LRRIQ1: variants seen among roughly 807,000 people sequenced by gnomAD.
The protein encoded by LRRIQ1 is leucine-rich repeat- and IQ domain-containing protein 1.
A neutral mutation model predicts 211.9 loss-of-function variants in LRRIQ1; 210 were observed. The ratio of observed to expected loss-of-function variants is 0.99; its 90% CI spans 0.89 to 1.11. The LOEUF is 1.11. Ranked by LOEUF, LRRIQ1 falls within the 50% of genes most tolerant of loss-of-function variation. LRRIQ1 has a pLI of 0.00. For missense variants in LRRIQ1, 2,136 were observed against 1,939.5 expected (o/e 1.10, Z -1.90); for synonymous variants, 699 against 650.1 (o/e 1.08, Z -1.14).
At chr12:85,131,162 G>A (rs975302170) in intron 18 of LRRIQ1, among the ~76,000 whole-genome samples, 3 of 149,272 alleles carry the variant, frequency 2.0e-5, no homozygotes, top group East Asian at 2.0e-4. Context: ...GCAGTGAGCC[G>A]AGATCACACC....
chr12:85,061,607 A>G (rs1881814969), intron 8 of LRRIQ1, among the ~76,000 whole-genome samples: 1 of 151,780 alleles, frequency 6.6e-6, no homozygotes, highest in Admixed American at 6.6e-5. Flanking sequence ...ACACTGAATA[A>G]TATAAATTAT....
At chr12:85,206,829 G>C (rs987411230) in intron 24 of LRRIQ1, among the ~76,000 whole-genome samples, 1 of 152,084 alleles carries the variant, frequency 6.6e-6, no homozygotes, top group African/African-American at 2.4e-5. Context: ...AGACAGAGGG[G>C]AACTCAGGTC....
In LRRIQ1 at chr12:85,072,977, T is replaced by C. The variant is rs1883254597; in HGVS notation, c.2766T>C (p.Thr922=). 1 of 1,612,998 alleles carries C rather than the reference T, an allele frequency of 6.2e-7. No homozygotes were observed. The highest frequency in any genetic ancestry group is 1.3e-5 in the African/African-American group (1 of 74,946). The part of the protein sequence containing the change: ...AGFCHHLGTS[T]SYLSLAQVWI... Reference sequence around the variant, plus strand: ...TCTGCCATCACTTGGGCACCTCCACTTCTTACTTATCCCTGGCACAAGTCT... The same window carrying C: ...TCTGCCATCACTTGGGCACCTCCACCTCTTACTTATCCCTGGCACAAGTCT... The change falls in exon 11 of 27, where the codon ACT becomes ACC. Residue 922 remains threonine, a synonymous_variant. Coordinates refer to ENST00000393217, the MANE Select transcript of LRRIQ1 (RefSeq NM_001079910.2).
At chr12:85,122,458 A>G (rs2136431387) in intron 16 of LRRIQ1, among the ~76,000 whole-genome samples, 1 of 152,262 alleles carries the variant, frequency 6.6e-6, no homozygotes, top group South Asian at 2.1e-4. Flanking sequence ...CGAATTCTGA[A>G]TGCATTATAA....
intron 11 of LRRIQ1, among the ~76,000 whole-genome samples, chr12:85,074,999 A>G (rs1372603981): frequency 5.3e-5 from 8 of 151,848 alleles, no homozygotes; most frequent in Admixed American, 2.0e-4. Context: ...GAATAAATCC[A>G]TATTTGAAAA....
chr12:85,102,881 G>A (rs1886455602), intron 13 of LRRIQ1, among the ~76,000 whole-genome samples: 1 of 142,766 alleles, frequency 7.0e-6, no homozygotes, highest in South Asian at 2.2e-4. Context: ...TTGAGCCAAA[G>A]CATATTTTGA....
In LRRIQ1 at chr12:85,056,952, C is replaced by T; in HGVS notation, c.2159C>T (p.Pro720Leu). The T allele has an allele frequency of 1.2e-6, 2 of 1,612,422 alleles. No individual in the cohort carries two copies. The highest frequency in any genetic ancestry group is 1.7e-6 in the Non-Finnish European group (2 of 1,179,262). The change falls in exon 8 of 27, where the codon CCT becomes CTT. Residue 720 changes from proline (P) to leucine (L), a missense_variant. Physicochemically the swap from Pro to Leu is moderately conservative, Grantham distance 98 (BLOSUM62 -3). Coordinates refer to ENST00000393217, the MANE Select transcript of LRRIQ1 (RefSeq NM_001079910.2). ...TCAGAAAAATGCCATGAAAATGCAC[C>T]TGAACCTGATAGCATGACCTGCTGT... ...NISEKCHENA[P>L]EPDSMTCCVS...
intron 11 of LRRIQ1, among the ~76,000 whole-genome samples, chr12:85,081,145 C>T (rs1316749415): frequency 1.3e-5 from 2 of 152,074 alleles, no homozygotes; most frequent in African/African-American, 4.8e-5. Context: ...TAGGTCTACT[C>T]TGATGAAGAG....
chr12:85,041,526 T>C (rs1365852885), intron 3 of LRRIQ1, among the ~76,000 whole-genome samples: 1 of 151,518 alleles, frequency 6.6e-6, no homozygotes, highest in Admixed American at 6.6e-5. Context: ...AGCCACATGG[T>C]TATCTAGGAA....
intron 11 of LRRIQ1, among the ~76,000 whole-genome samples, chr12:85,081,785 G>A (rs1884320852): frequency 7.0e-6 from 1 of 143,042 alleles, no homozygotes; most frequent in Non-Finnish European, 1.5e-5. Flanking sequence ...GTGCAGTGGT[G>A]GGGTCTCAGC....
chr12:85,092,036 C>T (rs949877430), intron 11 of LRRIQ1, among the ~76,000 whole-genome samples: 1 of 152,120 alleles, frequency 6.6e-6, no homozygotes, highest in African/African-American at 2.4e-5. Context: ...CTCATAGGAG[C>T]GTGAATCCTA....
At chr12:85,224,894 G>A (rs1398306119) in intron 24 of LRRIQ1, among the ~76,000 whole-genome samples, 1 of 151,454 alleles carries the variant, frequency 6.6e-6, no homozygotes, top group African/African-American at 2.4e-5. Context: ...TTTAAAAAGA[G>A]ATAATTAAAA....
chr12:85,218,235 C>T (rs796535244), intron 24 of LRRIQ1, among the ~76,000 whole-genome samples: 2 of 151,848 alleles, frequency 1.3e-5, no homozygotes, highest in African/African-American at 4.8e-5. Flanking sequence ...ACTTCCTGGA[C>T]TTACCCCCTA....
At chr12:85,150,810 T>A (rs1890193318) in intron 19 of LRRIQ1, among the ~76,000 whole-genome samples, 1 of 151,670 alleles carries the variant, frequency 6.6e-6, no homozygotes, top group African/African-American at 2.4e-5. Flanking sequence ...TTGAATTATT[T>A]ACAAATACTG....
At chr12:85,131,341 A>G (rs1201852137) in intron 18 of LRRIQ1, among the ~76,000 whole-genome samples, 1 of 152,000 alleles carries the variant, frequency 6.6e-6, no homozygotes, top group African/African-American at 2.4e-5. Flanking sequence ...GACAGCACCC[A>G]AGTCACCTCA....
chr12:85,046,038 AAAG>A lies in LRRIQ1; in HGVS notation c.361_363del (p.Glu121del), dbSNP rs779223027. On this transcript the variant is annotated inframe_deletion, in exon 5 of 27. Coordinates refer to ENST00000393217, the MANE Select transcript of LRRIQ1 (RefSeq NM_001079910.2). ...CTCTTAGATATTATCTGAAATAGAA[AAAG>A]AAGAATTTATGAGAAGTAAAACCGA... 4 of 1,607,080 alleles carry A rather than the reference AAAG, an allele frequency of 2.5e-6. No homozygotes were observed. The highest frequency in any genetic ancestry group is 1.3e-5 in the African/African-American group (1 of 74,780).
chr12:85,083,404 A>C (rs1335755346), intron 11 of LRRIQ1, among the ~76,000 whole-genome samples: 1 of 151,694 alleles, frequency 6.6e-6, no homozygotes, highest in Non-Finnish European at 1.5e-5. Flanking sequence ...TCTGAACAGA[A>C]ATTTCTGAAA....
chr12:85,198,406 A>G (rs1893112442), intron 24 of LRRIQ1, among the ~76,000 whole-genome samples: 1 of 151,776 alleles, frequency 6.6e-6, no homozygotes, highest in East Asian at 1.9e-4. Context: ...CAATGGCTGA[A>G]CAAATTTATA....
At chr12:85,240,733 A>T (rs1178112592) in intron 26 of LRRIQ1, among the ~76,000 whole-genome samples, 1 of 152,142 alleles carries the variant, frequency 6.6e-6, no homozygotes, top group African/African-American at 2.4e-5. Flanking sequence ...CAAGAACATT[A>T]TGTTGAGTTA....
Sources: gnomAD v4.1 joint callset for allele counts (sites outside exome capture counted in the v4.1 genomes callset) on GRCh38, gnomAD v4.1.1 for gene constraint, MANE v1.5 for transcripts, NCBI Gene and HGNC (gene_info 2026-07-23, HGNC 2026-07-21) for gene names.